Variants in CPNE4 observed in about 807,000 individuals in gnomAD.
The protein encoded by CPNE4 is copine 4, also known as copine-4.
In CPNE4, 25 loss-of-function variants were observed where a neutral mutation model predicts 67.9. The observed-to-expected ratio is 0.37, with a 90% CI of 0.27 to 0.51. The LOEUF (loss-of-function observed/expected upper bound fraction) is 0.51, where lower values mean the gene tolerates loss of function less well. Among genes scored for constraint, CPNE4 ranks in the 20% least tolerant of loss-of-function variants. The probability of loss-of-function intolerance (pLI) is 0.93; values close to 1 mark genes in which losing one functional copy is unlikely to be tolerated. For missense variants in CPNE4, 464 were observed against 690.8 expected, an observed-to-expected ratio of 0.67 and a Z score of 3.68; for synonymous variants, 242 against 244.9, an observed-to-expected ratio of 0.99 and a Z score of 0.11.
chr3:131,768,562 CA>C (rs1158033685), intron 2 of CPNE4, among the ~76,000 whole-genome samples: 4 of 152,094 alleles, frequency 2.6e-5, no homozygotes, highest in Admixed American at 6.6e-5. Context: ...TAACACTATG[CA>C]AAAACTGCTT....
chr3:132,027,440 G>T lies in CPNE4; in HGVS notation c.-2+7127C>A, dbSNP rs188067091. Among the ~76,000 whole-genome samples, 150 of 152,170 alleles carry T rather than the reference G, an allele frequency of 9.9e-4. 1 individual carries two copies. The highest frequency in any genetic ancestry group is 3.4e-3 in the African/African-American group (143 of 41,488). ...TTCCCATCTTTTTAAAATTAAATCA[G>T]GTTAGGAGCTATCATGAGTGTTATT... On this transcript the variant is annotated intron_variant, in intron 1 of 15. Transcript: ENST00000429747.
intron 2 of CPNE4, among the ~76,000 whole-genome samples, chr3:131,857,165 T>C (rs935828487): frequency 1.3e-5 from 2 of 152,016 alleles, no homozygotes; most frequent in African/African-American, 4.8e-5. Context: ...CAACACCTTA[T>C]TGAAAGATAC....
Position 131,631,897 on chromosome 3 carries a change from C to CTTT in CPNE4, c.681+37775_681+37777dup, listed in dbSNP as rs72379879. Among the ~76,000 whole-genome samples the CTTT allele has an allele frequency of 9.9e-3, 1,436 of 144,448 alleles. 65 individuals are homozygous for CTTT. The highest frequency in any genetic ancestry group is 0.035 in the African/African-American group (1,284 of 36,418). The allele number at this position is 144,448 out of a possible 152,430, so 94.8% of individuals were successfully genotyped here. On this transcript the variant is annotated intron_variant, in intron 7 of 15. Transcript: ENST00000429747. ...TATCCCCCCTCCCCAACACTTTTTT[C>CTTT]TTTTTTCTTTTTTTTTGAGACAGAG...
rs1464740646 is a variant in CPNE4, at chr3:131,754,869, T to C, written c.181-31244A>G. Among the ~76,000 whole-genome samples the C allele has an allele frequency of 3.3e-5, 5 of 152,186 alleles. No individual in the cohort carries two copies. The East Asian group carries it at 5.8e-4, about 18-fold the overall frequency. ...ATTTGATGAATACCCTGTTAAATACTATCTTTAAGTAATTTATGTTTTCAA... is the reference window on the plus strand; with the variant it reads ...ATTTGATGAATACCCTGTTAAATACCATCTTTAAGTAATTTATGTTTTCAA... On this transcript the variant is annotated intron_variant, in intron 2 of 15. Transcript: ENST00000429747.
chr3:131,840,718 G>A (rs1235406971), intron 2 of CPNE4, among the ~76,000 whole-genome samples: 1 of 152,094 alleles, frequency 6.6e-6, no homozygotes, highest in Non-Finnish European at 1.5e-5. Flanking sequence ...TACGAATTCT[G>A]GCTTGTTAAT....
intron 1 of CPNE4, among the ~76,000 whole-genome samples, chr3:131,998,186 T>C (rs915967482): frequency 3.3e-5 from 5 of 152,220 alleles, no homozygotes; most frequent in Non-Finnish European, 7.4e-5. Context: ...AATGCTAAAG[T>C]TTCCTACCCT....
intron 2 of CPNE4, among the ~76,000 whole-genome samples, chr3:131,825,038 T>TA (rs566156153): frequency 1.3e-4 from 20 of 152,252 alleles, no homozygotes; most frequent in Admixed American, 1.2e-3. Context: ...TTGAAGGACC[T>TA]AAGAGCTTCA....
chr3:131,547,402 G>A lies in CPNE4; in HGVS notation c.1302+2545C>T, dbSNP rs76576180. 5.9e-3 allele frequency among the ~76,000 whole-genome samples: 706 copies of A among 119,972 alleles called. 46 individuals carry two copies. The highest frequency in any genetic ancestry group is 0.02 in the Middle Eastern group (3 of 150). 78.7% of individuals were successfully genotyped at this position (119,972 alleles called of 152,430 possible). A position where few individuals can be genotyped will look rare whatever the true frequency, so the allele number is the denominator to read the frequency against. On this transcript the variant is annotated intron_variant, in intron 14 of 15. Transcript: ENST00000429747. ...CCCAAAAGGTTCAAAGCTGTAGTGA[G>A]CCATGATTGTGCCACTACACTTCAG...
chr3:131,667,656 C>T (rs867354379), intron 7 of CPNE4, among the ~76,000 whole-genome samples: 1 of 151,136 alleles, frequency 6.6e-6, no homozygotes, highest in East Asian at 1.9e-4. Flanking sequence ...TTCCTCTATT[C>T]TTCCTTCTCA....
chr3:131,706,564 A>G (rs1387759020), intron 3 of CPNE4, among the ~76,000 whole-genome samples: 2 of 152,176 alleles, frequency 1.3e-5, no homozygotes, highest in African/African-American at 4.8e-5. Context: ...TTAACCTAAG[A>G]AAACTAGTTT....
chr3:131,851,198 A>G (rs1233114427), intron 2 of CPNE4, among the ~76,000 whole-genome samples: 2 of 152,124 alleles, frequency 1.3e-5, no homozygotes, highest in Non-Finnish European at 1.5e-5. Flanking sequence ...TGACTAGGAA[A>G]GAAAGTGAGT....
At chr3:132,034,509 A>T (rs1583627234) in intron 1 of CPNE4, 58 bp downstream of exon 1, 1 of 884,696 alleles carries the variant, frequency 1.1e-6, no homozygotes, top group Non-Finnish European at 1.4e-6. Context: ...CAGCTCCAAC[A>T]GACTTTGCAA....
intron 2 of CPNE4, among the ~76,000 whole-genome samples, chr3:131,733,180 G>GACATA (rs1261944003): frequency 1.3e-5 from 2 of 152,188 alleles, no homozygotes; most frequent in African/African-American, 4.8e-5. Context: ...TGTTTCCCAT[G>GACATA]ACATAGCACC....
chr3:131,658,778 A>T (rs2080046168), intron 7 of CPNE4, among the ~76,000 whole-genome samples: 1 of 152,196 alleles, frequency 6.6e-6, no homozygotes. Flanking sequence ...ATGAAAGCTG[A>T]TCTTCTTCCT....
At chr3:131,749,105 A>G (rs1225521539) in intron 2 of CPNE4, among the ~76,000 whole-genome samples, 1 of 152,124 alleles carries the variant, frequency 6.6e-6, no homozygotes, top group Non-Finnish European at 1.5e-5. Flanking sequence ...GCACTTCTTT[A>G]ACTGCATGCC....
chr3:131,792,892 A>AGAGT (rs374355769), intron 2 of CPNE4, among the ~76,000 whole-genome samples: 1 of 127,884 alleles, frequency 7.8e-6, no homozygotes, highest in African/African-American at 3.0e-5. Flanking sequence ...AGGTATTTCC[A>AGAGT]GTGTGTGTGT....
At chr3:131,873,805 C>A (rs2087319178) in intron 2 of CPNE4, among the ~76,000 whole-genome samples, 1 of 152,190 alleles carries the variant, frequency 6.6e-6, no homozygotes, top group Non-Finnish European at 1.5e-5. Flanking sequence ...AGTGGTAGTA[C>A]ATCCTGTGTA....
intron 2 of CPNE4, among the ~76,000 whole-genome samples, chr3:131,814,629 G>C (rs1399422925): frequency 1.4e-5 from 1 of 73,154 alleles, no homozygotes; most frequent in East Asian, 3.9e-4. Context: ...TTTTGAGACG[G>C]AGTCTCGCTC....
intron 11 of CPNE4, among the ~76,000 whole-genome samples, chr3:131,561,322 T>G (rs568291541): frequency 1.3e-5 from 2 of 151,670 alleles, no homozygotes; most frequent in South Asian, 2.1e-4. Flanking sequence ...TGCTACAACT[T>G]GAGCTTGTGT....
Sources: gnomAD v4.1 joint callset for allele counts (sites outside exome capture counted in the v4.1 genomes callset) on GRCh38, gnomAD v4.1.1 for gene constraint, MANE v1.5 for transcripts, NCBI Gene and HGNC (gene_info 2026-07-23, HGNC 2026-07-21) for gene names.